Variants in SLC15A5 observed in about 807,000 individuals in gnomAD.
The protein encoded by SLC15A5 is Peptide/histidine transporter ENSP00000340402.
Under a neutral mutation model 56.1 loss-of-function variants are expected in SLC15A5, and 58 were observed. The ratio of observed to expected loss-of-function variants is 1.03; its 90% CI spans 0.84 to 1.29. The LOEUF (loss-of-function observed/expected upper bound fraction) is 1.29. Among genes scored for constraint, SLC15A5 ranks in the 50% most tolerant of loss-of-function variants. SLC15A5 has a pLI of 0.00. For missense variants in SLC15A5, 681 were observed against 672.1 expected (o/e 1.01, Z -0.15); for synonymous variants, 264 against 250.5 (o/e 1.05, Z -0.51).
At chr12:16,223,943 C>T (rs1359782202) in intron 6 of SLC15A5, among the ~76,000 whole-genome samples, 1 of 152,154 alleles carries the variant, frequency 6.6e-6, no homozygotes, top group African/African-American at 2.4e-5. Context: ...GTCTTGATCT[C>T]TTGACCTCGT....
At position 16,196,392 on chromosome 12, in the gene SLC15A5, A is replaced by ATG. The variant is rs140194923; in HGVS notation, c.1484-1941_1484-1940dup. ...TATATGTGTGCTTTTGTGTGTGTGC[A>ATG]TGTGTGTGTGTGTGCCCGTGCATGT... On this transcript the variant is annotated intron_variant, in intron 7 of 8. Transcript: ENST00000344941. The surrounding 1 kb of genome is among the most constrained non-coding windows in gnomAD (Gnocchi z 4.0). Among the ~76,000 whole-genome samples the ATG allele has an allele frequency of 8.6e-5, 13 of 151,318 alleles. No homozygotes were observed. The South Asian group carries it at 2.1e-3, about 24-fold the overall frequency.
chr12:16,264,011 C>T (rs963986000), intron 2 of SLC15A5, among the ~76,000 whole-genome samples: 1 of 152,192 alleles, frequency 6.6e-6, no homozygotes, highest in African/African-American at 2.4e-5. Context: ...CACAGAGTTC[C>T]TAATGGGGCA....
chr12:16,238,673 G>C (rs984823664), intron 5 of SLC15A5, among the ~76,000 whole-genome samples: 2 of 149,362 alleles, frequency 1.3e-5, no homozygotes, highest in Admixed American at 1.3e-4. Context: ...CGAGAGAAGA[G>C]AATCTTCTAT....
intron 5 of SLC15A5, among the ~76,000 whole-genome samples, chr12:16,236,182 G>A (rs936520564): frequency 1.3e-5 from 2 of 151,868 alleles, no homozygotes; most frequent in Admixed American, 1.3e-4. Flanking sequence ...CCATACTGCA[G>A]GATTTTAATT....
At chr12:16,238,819 G>A (rs1864380423) in intron 5 of SLC15A5, among the ~76,000 whole-genome samples, 1 of 152,066 alleles carries the variant, frequency 6.6e-6, no homozygotes, top group Admixed American at 6.6e-5. Flanking sequence ...AATTAAATGT[G>A]TCCCCTGCAC....
chr12:16,277,257 A>G, intron 1 of SLC15A5, 68 bp downstream of exon 1: 2 of 1,383,380 alleles, frequency 1.4e-6, no homozygotes, highest in Middle Eastern at 1.8e-4. Context: ...AATAATATAA[A>G]CTAAAAATTC....
At chr12:16,229,741 A>T (rs1864278180) in intron 5 of SLC15A5, among the ~76,000 whole-genome samples, 1 of 151,986 alleles carries the variant, frequency 6.6e-6, no homozygotes, top group Non-Finnish European at 1.5e-5. Context: ...GAGATAGAGG[A>T]TAATGAAACA....
At chr12:16,202,893 ATG>A (rs1863972247) in intron 7 of SLC15A5, among the ~76,000 whole-genome samples, 1 of 152,138 alleles carries the variant, frequency 6.6e-6, no homozygotes, top group Non-Finnish European at 1.5e-5. Context: ...TCTCACTTAT[ATG>A]TGGAATGTAG....
At chr12:16,225,809 TG>T (rs1180170298) in intron 5 of SLC15A5, among the ~76,000 whole-genome samples, 27 of 152,342 alleles carry the variant, frequency 1.8e-4, no homozygotes, top group African/African-American at 6.0e-4. Flanking sequence ...CAACAGGTGC[TG>T]GACATTAGAT....
chr12:16,272,873 G>A, intron 1 of SLC15A5, 90 bp from the exon 2 acceptor site: 1 of 1,114,390 alleles, frequency 9.0e-7, no homozygotes, highest in South Asian at 1.4e-5. Context: ...TCTGACAGTG[G>A]CATCATTTTG....
In SLC15A5 at chr12:16,244,560, T is replaced by G; in HGVS notation, c.975+20A>C. On this transcript the variant is annotated intron_variant, in intron 4 of 8. Transcript: ENST00000344941. ...AATCACTTTCCTGTTGTTGGGGTAG[T>G]ACTCATCGCCTGTCCTTACCTGCAT... The G allele has an allele frequency of 6.5e-7, 1 of 1,529,138 alleles. No homozygotes were observed. The highest frequency in any genetic ancestry group is 1.2e-5 in the South Asian group (1 of 83,826). 94.7% of individuals were successfully genotyped at this position (1,529,138 alleles called of 1,614,324 possible).
chr12:16,267,003 T>TAATTAATTTAGTAATAAATTTA (rs1864703800), intron 2 of SLC15A5, among the ~76,000 whole-genome samples: 1 of 152,214 alleles, frequency 6.6e-6, no homozygotes, highest in Non-Finnish European at 1.5e-5. Context: ...AACATTCACT[T>TAATTAATTTAGTAATAAATTTA]AATTAATTTA....
intron 3 of SLC15A5, among the ~76,000 whole-genome samples, chr12:16,246,448 G>A (rs1214188487): frequency 1.3e-5 from 2 of 152,142 alleles, no homozygotes; most frequent in African/African-American, 2.4e-5. Context: ...GACTGAATTC[G>A]AACAAGCCTG....
Position 16,256,062 on chromosome 12 carries a change from G to A in SLC15A5, c.754+1639C>T, listed in dbSNP as rs56014093. Reference sequence around the variant, plus strand: ...TAGTAGATTAAAATACATAAAAAATGCTTAAGAGCATAAATTCATAATCAT... The same window carrying A: ...TAGTAGATTAAAATACATAAAAAATACTTAAGAGCATAAATTCATAATCAT... On this transcript the variant is annotated intron_variant, in intron 3 of 8. Coordinates refer to ENST00000344941, the MANE Select transcript of SLC15A5 (RefSeq NM_001170798.1). 9.8e-3 allele frequency among the ~76,000 whole-genome samples: 1,491 copies of A among 152,216 alleles called. 11 individuals carry two copies. The highest frequency in any genetic ancestry group is 0.015 in the Non-Finnish European group (1,028 of 67,990).
intron 3 of SLC15A5, among the ~76,000 whole-genome samples, chr12:16,246,296 T>C (rs979194159): frequency 2.0e-5 from 3 of 152,210 alleles, no homozygotes; most frequent in South Asian, 4.1e-4. Context: ...GATTTGTTTC[T>C]CTTAGGAAAG....
rs969109497 is a variant in SLC15A5, at chr12:16,216,907, T to C, written c.1469A>G (p.Tyr490Cys). Reference protein sequence around the residue: ...FTGALLVKLVYLISDGNWFPN... With the variant: ...FTGALLVKLVCLISDGNWFPN... ...CCTATTTTTACCATCTGAGATGAGA[T>C]ATACCAACTTCACCAGCAGTGCCCC... The change falls in exon 7 of 9, where the codon TAT becomes TGT. Residue 490 changes from tyrosine (Y) to cysteine (C), a missense_variant. Physicochemically the swap from Tyr to Cys is radical, Grantham distance 194. Coordinates refer to ENST00000344941, the MANE Select transcript of SLC15A5 (RefSeq NM_001170798.1). The C allele has an allele frequency of 5.2e-6, 8 of 1,536,420 alleles. No individual in the cohort carries two copies. The highest frequency in any genetic ancestry group is 2.0e-5 in the Admixed American group (1 of 50,878).
intron 3 of SLC15A5, among the ~76,000 whole-genome samples, chr12:16,253,397 A>G (rs1288508739): frequency 1.3e-5 from 2 of 152,124 alleles, no homozygotes; most frequent in East Asian, 3.8e-4. Flanking sequence ...ATATGGGGCT[A>G]ATATCCAGAA....
intron 3 of SLC15A5, among the ~76,000 whole-genome samples, chr12:16,252,128 C>G (rs1864525251): frequency 1.3e-5 from 2 of 152,088 alleles, no homozygotes; most frequent in East Asian, 3.9e-4. Context: ...ATGATAAAAA[C>G]ATTAGACAAA....
chr12:16,236,614 A>T (rs916442841), intron 5 of SLC15A5, among the ~76,000 whole-genome samples: 4 of 152,142 alleles, frequency 2.6e-5, no homozygotes, highest in Non-Finnish European at 5.9e-5. Context: ...GCTGGGTAAG[A>T]TTTCCCCATC....
Sources: allele counts gnomAD v4.1 joint callset (sites outside exome capture counted in the v4.1 genomes callset), GRCh38; gene constraint gnomAD v4.1.1; non-coding constraint Gnocchi (gnomAD v3.1); transcripts MANE v1.5; gene names NCBI Gene and HGNC (gene_info 2026-07-23, HGNC 2026-07-21).